TBC1D8: variants seen among roughly 807,000 people sequenced by gnomAD.
The protein encoded by TBC1D8 is BUB2-like protein 1.
Under a neutral mutation model 118.8 loss-of-function variants are expected in TBC1D8, and 65 were observed. The observed-to-expected ratio is 0.55, with a 90% confidence interval of 0.45 to 0.67. The LOEUF (loss-of-function observed/expected upper bound fraction) is 0.67, where lower values mean the gene tolerates loss of function less well. TBC1D8 is among the 30% of genes least tolerant of loss of function. TBC1D8 has a pLI of 0.00. For missense variants in TBC1D8, 1,376 were observed against 1,471.2 expected, an observed-to-expected ratio of 0.94 and a Z score of 1.06; for synonymous variants, 566 against 595.8, an observed-to-expected ratio of 0.95 and a Z score of 0.73.
Position 101,032,262 on chromosome 2 carries a change from G to A in TBC1D8, c.1936+6C>T. 2 of 1,612,396 alleles carry A rather than the reference G, an allele frequency of 1.2e-6. No individual in the cohort carries two copies. Among genetic ancestry groups the A allele is most frequent in the Non-Finnish European group, 1.7e-6 (2 of 1,178,542 alleles). On this transcript the variant is annotated splice_donor_region_variant and intron_variant, in intron 11 of 19. Transcript: ENST00000409318. ...ATACACAGGAGGAGGAAGGGGGTCTGTTTACCGATCACTCGGTGGTTGAAG... is the reference window on the plus strand; with the variant it reads ...ATACACAGGAGGAGGAAGGGGGTCTATTTACCGATCACTCGGTGGTTGAAG...
At chr2:101,138,705 G>A (rs983866772) in intron 1 of TBC1D8, among the ~76,000 whole-genome samples, 4 of 152,048 alleles carry the variant, frequency 2.6e-5, no homozygotes, top group Admixed American at 1.3e-4. Flanking sequence ...TGGAGGGGAC[G>A]TGGCACTTCT....
At position 101,028,393 on chromosome 2, in the gene TBC1D8, G is replaced by T; in HGVS notation, c.2262C>A (p.Pro754=). The change falls in exon 13 of 20, where the codon CCC becomes CCA. Residue 754 remains proline (P), a synonymous_variant. Coordinates refer to ENST00000409318, the MANE Select transcript of TBC1D8 (RefSeq NM_001330348.2). ...DHIKNEDSPG[P]PVGSHHAFFS... ...AAAAGGCATGGTGGCTGCCAACTGG[G>T]GGCCCTGGGCTGTCCTCATTCTTAA... 4 of 1,607,298 alleles carry T rather than the reference G, an allele frequency of 2.5e-6. No homozygotes were observed. Among genetic ancestry groups the T allele is most frequent in the South Asian group, 1.1e-5 (1 of 89,888 alleles).
Position 101,029,482 on chromosome 2 carries a change from G to A in TBC1D8, c.2222+9C>T, listed in dbSNP as rs181591782. ...CTCTGGTTGGCCACAGAGGTGCAGC[G>A]GGGCCCACCTGCTGAGGATCATCAA... On this transcript the variant is annotated intron_variant, in intron 12 of 19. Coordinates refer to ENST00000409318, the MANE Select transcript of TBC1D8 (RefSeq NM_001330348.2). The A allele has an allele frequency of 1.6e-3, 2,612 of 1,607,164 alleles. 7 individuals carry two copies. Among genetic ancestry groups the A allele is most frequent in the Non-Finnish European group, 1.9e-3 (2,201 of 1,174,852 alleles).
chr2:101,022,680 A>G (rs1387635497), intron 15 of TBC1D8, among the ~76,000 whole-genome samples, 159 bp from the exon 16 acceptor site: 2 of 152,244 alleles, frequency 1.3e-5, no homozygotes, highest in African/African-American at 2.4e-5. Flanking sequence ...CCACATGAAC[A>G]TGTAATTTTC....
chr2:101,141,766 T>C (rs576338821), intron 1 of TBC1D8, among the ~76,000 whole-genome samples: 4 of 144,456 alleles, frequency 2.8e-5, no homozygotes, highest in African/African-American at 1.0e-4. Context: ...ATACATACAA[T>C]TGAAAAAGAA....
At chr2:101,026,699 C>G (rs1680360844) in intron 15 of TBC1D8, among the ~76,000 whole-genome samples, 1 of 152,142 alleles carries the variant, frequency 6.6e-6, no homozygotes, top group Non-Finnish European at 1.5e-5. Flanking sequence ...TAGCAGGAGT[C>G]CACAACGTGC....
intron 5 of TBC1D8, among the ~76,000 whole-genome samples, chr2:101,042,912 A>T (rs1028764109): frequency 2.0e-5 from 3 of 152,166 alleles, no homozygotes; most frequent in African/African-American, 7.2e-5. Context: ...GGCCCCGGAG[A>T]TAAGACCTCA....
At chr2:101,108,294 G>A (rs2105476417) in intron 1 of TBC1D8, among the ~76,000 whole-genome samples, 1 of 152,252 alleles carries the variant, frequency 6.6e-6, no homozygotes, top group South Asian at 2.1e-4. Context: ...AACAGGGAAA[G>A]TCTGAGAAAC....
chr2:101,122,383 C>CAAAAAAAAAAAAAAAAAAAA (rs70943064), intron 1 of TBC1D8, among the ~76,000 whole-genome samples: 20 of 71,944 alleles, frequency 2.8e-4, no homozygotes, highest in East Asian at 5.2e-4. Flanking sequence ...GACTCCATTT[C>CAAAAAAAAAAAAAAAAAAAA]AAAAAAAAAA....
chr2:101,080,673 T>C (rs1675202917), intron 2 of TBC1D8, among the ~76,000 whole-genome samples: 1 of 151,906 alleles, frequency 6.6e-6, no homozygotes. Context: ...GCTCCTTGCC[T>C]CTCCAGAGCC....
At chr2:101,079,680 GTTTTT>G (rs35466679) in intron 2 of TBC1D8, among the ~76,000 whole-genome samples, 9 of 81,804 alleles carry the variant, frequency 1.1e-4, no homozygotes, top group African/African-American at 2.5e-4. Context: ...GTCCAGTCTG[GTTTTT>G]TTTTTTTTTT....
At chr2:101,122,383 CAAAAA>C (rs70943064) in intron 1 of TBC1D8, among the ~76,000 whole-genome samples, 12 of 71,936 alleles carry the variant, frequency 1.7e-4, no homozygotes, top group South Asian at 7.9e-4. Flanking sequence ...GACTCCATTT[CAAAAA>C]AAAAAAAAAA....
intron 1 of TBC1D8, among the ~76,000 whole-genome samples, chr2:101,126,682 T>C (rs547546056): frequency 6.6e-6 from 1 of 152,316 alleles, no homozygotes; most frequent in South Asian, 2.1e-4. Context: ...ATTACTACAA[T>C]GCTAATAAGC....
At chr2:101,051,968 T>C (rs1682102362) in intron 4 of TBC1D8, among the ~76,000 whole-genome samples, 1 of 152,234 alleles carries the variant, frequency 6.6e-6, no homozygotes, top group Non-Finnish European at 1.5e-5. Context: ...TCAGTAAAAC[T>C]TCCCAAGCTG....
intron 1 of TBC1D8, among the ~76,000 whole-genome samples, chr2:101,099,107 G>C (rs893194573): frequency 1.6e-4 from 23 of 147,464 alleles, no homozygotes; most frequent in African/African-American, 5.5e-4. Flanking sequence ...AAATTAACAA[G>C]ACCACTAGCT....
chr2:101,032,145 G>T, intron 11 of TBC1D8, 123 bp downstream of exon 11: 1 of 884,806 alleles, frequency 1.1e-6, no homozygotes, highest in Non-Finnish European at 1.8e-6. Context: ...GTCAAACTGT[G>T]TTTGCAAACA....
At chr2:101,089,947 G>A (rs1675909322) in intron 2 of TBC1D8, among the ~76,000 whole-genome samples, 1 of 149,988 alleles carries the variant, frequency 6.7e-6, no homozygotes, top group South Asian at 2.1e-4. Context: ...AAAAAAAGAT[G>A]GGAGGGGAAA....
chr2:101,058,982 T>A (rs1434148347), intron 3 of TBC1D8, among the ~76,000 whole-genome samples: 8 of 152,174 alleles, frequency 5.3e-5, no homozygotes. Flanking sequence ...CTCGGCTCAC[T>A]GCAAGCACCA....
At chr2:101,023,533 G>C in intron 15 of TBC1D8, 1 of 350,564 alleles carries the variant, frequency 2.9e-6, no homozygotes, top group South Asian at 2.3e-5. Context: ...CTGTGGGGAG[G>C]GCCCCAGAGG....
Sources: gnomAD v4.1 joint callset for allele counts (sites outside exome capture counted in the v4.1 genomes callset) on GRCh38, gnomAD v4.1.1 for gene constraint, MANE v1.5 for transcripts, NCBI Gene and HGNC (gene_info 2026-07-23, HGNC 2026-07-21) for gene names.